The following IGHMBP2 variants were observed in gnomAD, a reference collection of about 807,000 sequenced individuals.
The protein encoded by IGHMBP2 is immunoglobulin mu DNA binding protein 2, also known as DNA-binding protein SMUBP-2.
A neutral mutation model predicts 96.0 loss-of-function variants in IGHMBP2; 81 were observed. The observed-to-expected ratio is 0.84, with a 90% CI of 0.71 to 1.01. The LOEUF (loss-of-function observed/expected upper bound fraction) is 1.01. Ranked by LOEUF, IGHMBP2 falls within the 50% of genes least tolerant of loss-of-function variation. The pLI is 0.00. For missense variants in IGHMBP2, 1,227 were observed against 1,306.3 expected (o/e 0.94, Z 0.94); for synonymous variants, 557 against 548.9 (o/e 1.01, Z -0.21).
chr11:68,910,072 A>G (rs1179187642), intron 4 of IGHMBP2, among the ~76,000 whole-genome samples: 1 of 152,194 alleles, frequency 6.6e-6, no homozygotes, highest in African/African-American at 2.4e-5. Context: ...GGCTTTGGCC[A>G]AGCCTCATGC....
At chr11:68,908,403 TGCCTGTC>T in intron 3 of IGHMBP2, 66 bp downstream of exon 3, 1 of 1,524,882 alleles carries the variant, frequency 6.6e-7, no homozygotes, top group Non-Finnish European at 9.1e-7. Flanking sequence ...CATTCTTACA[TGCCTGTC>T]GCACAAAAGA....
intron 8 of IGHMBP2, chr11:68,929,995 C>G: frequency 9.6e-7 from 1 of 1,038,160 alleles, no homozygotes; most frequent in Non-Finnish European, 1.2e-6. Context: ...TCACCTCTCC[C>G]CATACTACCC....
At chr11:68,905,936 G>T in intron 1 of IGHMBP2, 133 bp from the exon 2 acceptor site, 1 of 912,192 alleles carries the variant, frequency 1.1e-6, no homozygotes. Flanking sequence ...GAGCCAATTC[G>T]GAGTTCCATT....
rs747668390 is a variant in IGHMBP2, at chr11:68,917,858, A to G, written c.1035A>G (p.Ala345=). Residue 345 remains alanine, a synonymous_variant, in exon 7 of 15, where the codon GCA becomes GCG. Transcript: ENST00000255078. ...EAAMLESLTS[A]NVVLATNTGA... ...CTATGCTCGAGAGCCTCACTTCGGC[A>G]AACGTGGTCCTTGCAACAAACACAG... 1 of 1,614,162 alleles carries G rather than the reference A, an allele frequency of 6.2e-7. No individual in the cohort carries two copies. Among genetic ancestry groups the G allele is most frequent in the South Asian group, 1.1e-5 (1 of 91,086 alleles).
At chr11:68,918,368 G>C (rs148222944) in intron 7 of IGHMBP2, among the ~76,000 whole-genome samples, 1 of 151,430 alleles carries the variant, frequency 6.6e-6, no homozygotes, top group East Asian at 1.9e-4. Context: ...TCTGCCAGGC[G>C]CAGTGGCTCA....
chr11:68,922,540 T>C (rs748278549), intron 7 of IGHMBP2, among the ~76,000 whole-genome samples: 2 of 151,234 alleles, frequency 1.3e-5, no homozygotes, highest in Admixed American at 1.3e-4. Flanking sequence ...GGAGTACAGA[T>C]GCACACCACC....
chr11:68,940,336 A>G lies in IGHMBP2; in HGVS notation c.*605A>G, dbSNP rs1385743171. ...CCTGTGCACCTCTCTCTGGCTTATA[A>G]AGGTGCCTGGCCTGTGCCAGCCCCT... On this transcript the variant is annotated 3_prime_UTR_variant, in exon 15 of 15. Coordinates refer to ENST00000255078, the MANE Select transcript of IGHMBP2 (RefSeq NM_002180.3). 5 of 153,210 alleles carry G rather than the reference A, an allele frequency of 3.3e-5. No individual in the cohort carries two copies. Among genetic ancestry groups the G allele is most frequent in the Non-Finnish European group, 7.3e-5 (5 of 68,892 alleles). The allele number at this position is 153,210 out of a possible 1,614,324, so 9.5% of individuals were successfully genotyped here.
chr11:68,923,301 C>T (rs1039550707), intron 7 of IGHMBP2, among the ~76,000 whole-genome samples: 1 of 152,052 alleles, frequency 6.6e-6, no homozygotes, highest in Non-Finnish European at 1.5e-5. Flanking sequence ...CTCCTGGATT[C>T]AAGTGATTCT....
chr11:68,922,364 G>T (rs1249594364), intron 7 of IGHMBP2, among the ~76,000 whole-genome samples: 2 of 151,854 alleles, frequency 1.3e-5, no homozygotes, highest in Non-Finnish European at 2.9e-5. Flanking sequence ...CTGGTTTTAA[G>T]CAATTTGACT....
chr11:68,932,797 C>G (rs1386915229), intron 8 of IGHMBP2: 1 of 168,588 alleles, frequency 5.9e-6, no homozygotes, highest in African/African-American at 2.4e-5. Flanking sequence ...AAATCAGACT[C>G]ACCGGCTTAA....
intron 6 of IGHMBP2, among the ~76,000 whole-genome samples, chr11:68,915,782 C>G (rs1407279826): frequency 9.2e-5 from 14 of 152,060 alleles, no homozygotes; most frequent in Non-Finnish European, 1.9e-4. Flanking sequence ...TGTACCCAGC[C>G]AGGGCTGCCC....
In IGHMBP2 at chr11:68,938,094, G is replaced by T; in HGVS notation, c.2612-88G>T. On this transcript the variant is annotated intron_variant, in intron 13 of 14. Coordinates refer to ENST00000255078, the MANE Select transcript of IGHMBP2 (RefSeq NM_002180.3). ...GCTGGGATTACAGGTGTGAGCCACC[G>T]TGCTTAGCCATGAATTGATTTTAAA... is the stretch of plus-strand genomic sequence containing the variant. 7.6e-6 allele frequency: 11 copies of T among 1,444,624 alleles called. No homozygotes were observed. The South Asian group carries it at 1.3e-4, about 17-fold the overall frequency. The allele number at this position is 1,444,624 out of a possible 1,614,324, so 89.5% of individuals were successfully genotyped here.
At chr11:68,919,683 T>C (rs1858807213) in intron 7 of IGHMBP2, among the ~76,000 whole-genome samples, 1 of 152,246 alleles carries the variant, frequency 6.6e-6, no homozygotes, top group South Asian at 2.1e-4. Flanking sequence ...TCTCTGAATA[T>C]AACTGGACAT....
chr11:68,936,172 C>T (rs565996375), intron 12 of IGHMBP2, 65 bp from the exon 13 acceptor site: 18 of 1,577,562 alleles, frequency 1.1e-5, no homozygotes, highest in Admixed American at 8.3e-5. Context: ...CTGATAAGGG[C>T]GTAGGAGCCT....
intron 13 of IGHMBP2, 26 bp downstream of exon 13, chr11:68,937,117 G>A: frequency 6.3e-7 from 1 of 1,595,838 alleles, no homozygotes; most frequent in African/African-American, 1.3e-5. Context: ...AGAACTTGGG[G>A]CAGTGTCCCC....
intron 7 of IGHMBP2, among the ~76,000 whole-genome samples, chr11:68,927,213 T>C (rs1343652141): frequency 6.6e-6 from 1 of 152,026 alleles, no homozygotes; most frequent in Non-Finnish European, 1.5e-5. Flanking sequence ...CACCCCGGGG[T>C]TTGTTGTTGT....
intron 4 of IGHMBP2, among the ~76,000 whole-genome samples, chr11:68,911,138 C>CGTA (rs942865257): frequency 6.6e-6 from 1 of 152,052 alleles, no homozygotes; most frequent in African/African-American, 2.4e-5. Context: ...CCATATCATA[C>CGTA]GTACCGTCTA....
intron 8 of IGHMBP2, chr11:68,933,034 G>A (rs1594450864): frequency 7.2e-6 from 4 of 552,962 alleles, no homozygotes; most frequent in South Asian, 2.0e-5. Flanking sequence ...ATCCAGGGTC[G>A]CCTCCCCATC....
intron 8 of IGHMBP2, 109 bp downstream of exon 8, chr11:68,929,466 G>A (rs1418869790): frequency 5.8e-6 from 6 of 1,042,614 alleles, no homozygotes; most frequent in Middle Eastern, 2.7e-4. Flanking sequence ...GTGCCTCCTC[G>A]GTTTCTCGGC....
Sources: allele counts gnomAD v4.1 joint callset (sites outside exome capture counted in the v4.1 genomes callset), GRCh38; gene constraint gnomAD v4.1.1; transcripts MANE v1.5; gene names NCBI Gene and HGNC (gene_info 2026-07-23, HGNC 2026-07-21).